Variants in WDR7 observed in about 807,000 individuals in gnomAD.
WDR7 encodes the protein WD repeat domain 7, also known as WD repeat-containing protein 7.
In WDR7, 46 loss-of-function variants were observed where a neutral mutation model predicts 169.4. That is an observed-to-expected ratio of 0.27 (90% CI 0.21 to 0.35). The LOEUF (loss-of-function observed/expected upper bound fraction) is 0.35. WDR7 is among the 10% of genes least tolerant of loss of function. The pLI, the probability that WDR7 is intolerant of heterozygous loss-of-function variation, is 1.00. For synonymous variants in WDR7, 612 were observed against 666.8 expected (o/e 0.92, Z 1.27); for missense variants, 1,534 against 1,859.3 (o/e 0.83, Z 3.22).
At chr18:56,753,177 A>C (rs1211448729) in intron 14 of WDR7, 9 of 152,218 alleles carry the variant, frequency 5.9e-5, no homozygotes, top group Non-Finnish European at 7.3e-5. Context: ...TGGTAATTTT[A>C]TGTCAGAAGA....
chr18:56,801,797 G>A (rs533093609), intron 19 of WDR7, among the ~76,000 whole-genome samples: 1 of 152,098 alleles, frequency 6.6e-6, no homozygotes, highest in Admixed American at 6.5e-5. Context: ...CCTTTTTATT[G>A]CTAAATAGTG....
chr18:56,864,358 A>G (rs1445414325), intron 20 of WDR7, among the ~76,000 whole-genome samples: 1 of 151,628 alleles, frequency 6.6e-6, no homozygotes, highest in Non-Finnish European at 1.5e-5. Flanking sequence ...TCTGTATTAA[A>G]TTGAAAGTGA....
At chr18:56,828,746 C>T (rs139521514) in intron 20 of WDR7, among the ~76,000 whole-genome samples, 153 of 152,030 alleles carry the variant, frequency 1.0e-3, no homozygotes, top group African/African-American at 3.5e-3. Context: ...AAACAGAGCA[C>T]GGTGTACCAC....
intron 21 of WDR7, among the ~76,000 whole-genome samples, chr18:56,882,582 A>G (rs747222756): frequency 2.0e-4 from 31 of 152,214 alleles, no homozygotes; most frequent in Non-Finnish European, 3.7e-4. Flanking sequence ...TCCCATTAAA[A>G]ATCAGAAATC....
intron 20 of WDR7, among the ~76,000 whole-genome samples, chr18:56,870,401 C>T (rs1234453755): frequency 6.6e-6 from 1 of 151,940 alleles, no homozygotes; most frequent in Non-Finnish European, 1.5e-5. Flanking sequence ...TGAGGGCCAA[C>T]ATTTTTCTCA....
chr18:57,020,727 A>G lies in WDR7; in HGVS notation c.4165-18A>G, dbSNP rs761464222. The G allele has an allele frequency of 1.5e-5, 24 of 1,609,382 alleles. No individual in the cohort carries two copies. The highest frequency in any genetic ancestry group is 5.0e-5 in the Admixed American group (3 of 59,814). On this transcript the variant is annotated intron_variant, in intron 26 of 27. Transcript: ENST00000254442. ...CTGTGAAATGCTTATCATTCATGAT[A>G]TCTGAATTTTATTTTAGACAATCCA...
chr18:56,724,799 C>A (rs892356281), intron 13 of WDR7, among the ~76,000 whole-genome samples: 5 of 152,026 alleles, frequency 3.3e-5, no homozygotes, highest in African/African-American at 1.2e-4. Flanking sequence ...ATCCCTCCCC[C>A]GCTCTCCCAC....
intron 20 of WDR7, among the ~76,000 whole-genome samples, chr18:56,820,084 A>G (rs1477059052): frequency 6.6e-6 from 1 of 151,946 alleles, no homozygotes; most frequent in Non-Finnish European, 1.5e-5. Context: ...GTCTTTTATC[A>G]TGGTACAGTA....
intron 26 of WDR7, among the ~76,000 whole-genome samples, chr18:56,972,256 T>C (rs2047499462): frequency 6.6e-6 from 1 of 152,224 alleles, no homozygotes; most frequent in African/African-American, 2.4e-5. Context: ...GAAAGCAATG[T>C]GTTCTTCTCT....
At chr18:57,000,130 G>C (rs971728237) in intron 26 of WDR7, among the ~76,000 whole-genome samples, 15 of 152,206 alleles carry the variant, frequency 9.9e-5, no homozygotes, top group African/African-American at 3.1e-4. Flanking sequence ...AAACATTCAG[G>C]GAGAATGTCA....
chr18:56,765,862 G>C (rs1041692416), intron 16 of WDR7, among the ~76,000 whole-genome samples: 9 of 152,130 alleles, frequency 5.9e-5, no homozygotes, highest in African/African-American at 2.2e-4. Flanking sequence ...TGAACGTGCA[G>C]GTTTGCTACA....
At chr18:56,787,509 T>A (rs2044420434) in intron 19 of WDR7, among the ~76,000 whole-genome samples, 1 of 152,240 alleles carries the variant, frequency 6.6e-6, no homozygotes, top group Non-Finnish European at 1.5e-5. Context: ...TCGTGTTTAA[T>A]ACGTATTGAT....
At chr18:57,032,781 T>A (rs1353381880), downstream of WDR7, 3 of 155,994 alleles carry the variant, frequency 1.9e-5, no homozygotes, top group South Asian at 2.2e-4. Flanking sequence ...TTCTACATTA[T>A]GGTGAGTTGT....
intron 1 of WDR7, among the ~76,000 whole-genome samples, chr18:56,654,987 G>C (rs1010238816): frequency 6.6e-6 from 1 of 151,912 alleles, no homozygotes; most frequent in Non-Finnish European, 1.5e-5. Flanking sequence ...CCTTTCCTTT[G>C]GTTTGTCTGT....
At chr18:57,007,753 G>T (rs140974705) in intron 26 of WDR7, among the ~76,000 whole-genome samples, 1 of 152,254 alleles carries the variant, frequency 6.6e-6, no homozygotes, top group East Asian at 1.9e-4. Context: ...TGTGTACAAT[G>T]AGCCCAGGTC....
intron 26 of WDR7, among the ~76,000 whole-genome samples, chr18:56,966,031 CTACT>C (rs2047403696): frequency 6.6e-6 from 1 of 152,254 alleles, no homozygotes; most frequent in African/African-American, 2.4e-5. Context: ...AGAAATCTGT[CTACT>C]TACTTGTTAA....
rs1599101705 is a variant in WDR7 at position 56,853,164 on chromosome 18, G to A, written c.3305-26780G>A. Reference sequence around the variant, plus strand: ...GCAGAAACTTTAGAAAACAGAAAAGGTAAAGAAATATGAAACACCACCATC... The same window carrying A: ...GCAGAAACTTTAGAAAACAGAAAAGATAAAGAAATATGAAACACCACCATC... On this transcript the variant is annotated intron_variant, in intron 20 of 27. Coordinates refer to ENST00000254442, the MANE Select transcript of WDR7 (RefSeq NM_015285.3). 2.6e-5 allele frequency among the ~76,000 whole-genome samples: 4 copies of A among 152,220 alleles called. No individual in the cohort carries two copies. In the South Asian group the frequency reaches 8.3e-4, roughly 32 times the overall value.
chr18:56,852,318 G>A (rs1294502177), intron 20 of WDR7, among the ~76,000 whole-genome samples: 4 of 152,170 alleles, frequency 2.6e-5, no homozygotes, highest in Non-Finnish European at 5.9e-5. Flanking sequence ...TCTTTATGGC[G>A]TGATTTGGAA....
the WDR7 span, chr18:57,035,564 G>A: frequency 6.6e-6 from 1 of 152,268 alleles, no homozygotes; most frequent in African/African-American, 2.4e-5. Flanking sequence ...CTCTGCGAGA[G>A]AGGCTGGGGA....
Sources: gnomAD v4.1 joint callset for allele counts (sites outside exome capture counted in the v4.1 genomes callset) on GRCh38, gnomAD v4.1.1 for gene constraint, MANE v1.5 for transcripts, NCBI Gene and HGNC (gene_info 2026-07-23, HGNC 2026-07-21) for gene names.